ANKS1B: variants seen among roughly 807,000 people sequenced by gnomAD.
The protein encoded by ANKS1B is ankyrin repeat and sterile alpha motif domain containing 1B, also known as ankyrin repeat and sterile alpha motif domain-containing protein 1B.
A neutral mutation model predicts 148.3 loss-of-function variants in ANKS1B; 36 were observed. The ratio of observed to expected loss-of-function variants is 0.24; its 90% CI spans 0.19 to 0.32. The LOEUF is 0.32. ANKS1B is among the 10% of genes least tolerant of loss of function. The pLI, the probability that ANKS1B is intolerant of heterozygous loss-of-function variation, is 1.00. For synonymous variants in ANKS1B, 542 were observed against 560.8 expected (o/e 0.97, Z 0.47); for missense variants, 1,157 against 1,542.6 (o/e 0.75, Z 4.19).
At chr12:99,011,164 C>A (rs2099939177) in intron 17 of ANKS1B, among the ~76,000 whole-genome samples, 1 of 152,094 alleles carries the variant, frequency 6.6e-6, no homozygotes, top group African/African-American at 2.4e-5. Context: ...AATCCAGATA[C>A]CTTGGCTGAG....
chr12:99,690,075 G>A (rs567978951), intron 8 of ANKS1B, among the ~76,000 whole-genome samples: 1 of 152,272 alleles, frequency 6.6e-6, no homozygotes, highest in Admixed American at 6.5e-5. Flanking sequence ...TTTCTTCACA[G>A]GGCGGCAGGA....
chr12:99,566,012 T>G (rs905656984), intron 9 of ANKS1B, among the ~76,000 whole-genome samples: 1 of 152,182 alleles, frequency 6.6e-6, no homozygotes, highest in Non-Finnish European at 1.5e-5. Flanking sequence ...GCCTTTGTAC[T>G]GAATACGCTG....
intron 1 of ANKS1B, among the ~76,000 whole-genome samples, chr12:99,851,471 T>C (rs2087829788): frequency 6.6e-6 from 1 of 152,110 alleles, no homozygotes; most frequent in African/African-American, 2.4e-5. Context: ...ATTTCATGGA[T>C]CTACTCCTAC....
In ANKS1B at chr12:99,183,050, G is replaced by C. The variant is rs189185394; in HGVS notation, c.2420-28655C>G. On this transcript the variant is annotated intron_variant, in intron 14 of 26. Coordinates refer to ENST00000683438, the MANE Select transcript of ANKS1B (RefSeq NM_001352186.2). ...GTAGAGTTGTTTGAGGTCCTTGTATGTTATGGTTTTAATCCCCTGTCAGAT... is the reference window on the plus strand; with the variant it reads ...GTAGAGTTGTTTGAGGTCCTTGTATCTTATGGTTTTAATCCCCTGTCAGAT... 6.6e-3 allele frequency among the ~76,000 whole-genome samples: 1,010 copies of C among 152,180 alleles called. 19 individuals carry two copies. The highest frequency in any genetic ancestry group is 0.023 in the African/African-American group (946 of 41,548).
intron 9 of ANKS1B, among the ~76,000 whole-genome samples, chr12:99,588,999 C>T (rs1018560658): frequency 2.6e-5 from 4 of 152,174 alleles, no homozygotes; most frequent in Non-Finnish European, 5.9e-5. Context: ...TACTCATTTT[C>T]CCTGGCACAC....
chr12:99,162,962 G>A (rs2076823165), intron 14 of ANKS1B, among the ~76,000 whole-genome samples: 2 of 152,042 alleles, frequency 1.3e-5, no homozygotes, highest in Non-Finnish European at 2.9e-5. Flanking sequence ...GGAGGCTGAG[G>A]GAGAAGAATC....
At chr12:99,549,400 A>G (rs1179614756) in intron 9 of ANKS1B, among the ~76,000 whole-genome samples, 1 of 152,238 alleles carries the variant, frequency 6.6e-6, no homozygotes, top group Admixed American at 6.5e-5. Context: ...TGGTTTTTGA[A>G]GTCTTAGTAA....
At chr12:99,192,705 C>T (rs535831837) in intron 14 of ANKS1B, among the ~76,000 whole-genome samples, 7 of 152,084 alleles carry the variant, frequency 4.6e-5, no homozygotes, top group South Asian at 2.1e-4. Flanking sequence ...TAAAGCATGA[C>T]GTCAACCATC....
chr12:99,529,737 A>T (rs531083857), intron 9 of ANKS1B, among the ~76,000 whole-genome samples: 2 of 148,046 alleles, frequency 1.4e-5, no homozygotes, highest in African/African-American at 2.7e-5. Context: ...CTATTTTTCT[A>T]CGTCCATAAT....
chr12:98,736,512 G>A (rs1458805081), intron 9 of ANKS1B, among the ~76,000 whole-genome samples: 2 of 152,200 alleles, frequency 1.3e-5, no homozygotes, highest in Non-Finnish European at 2.9e-5. Flanking sequence ...ACATCCAGGT[G>A]GGGATGCTGA....
rs978261144 is a variant in ANKS1B, at chr12:99,492,728, T to A, written c.1438+11748A>T. On this transcript the variant is annotated intron_variant, in intron 10 of 26. Transcript: ENST00000683438. ...AATCAATTAAGCTTCATCCCTGGGATGCAAGGTAGGTTCAACATACACAAA... is the reference window on the plus strand; with the variant it reads ...AATCAATTAAGCTTCATCCCTGGGAAGCAAGGTAGGTTCAACATACACAAA... 2.6e-5 allele frequency among the ~76,000 whole-genome samples: 4 copies of A among 152,342 alleles called. No homozygotes were observed. In the South Asian group the frequency reaches 8.3e-4, roughly 32 times the overall value.
rs562777286 is a variant in ANKS1B at position 98,792,009 on chromosome 12, T to C, written c.3342+6925A>G. ...ATAAAAAAGAGAAAAGTCTTAATAC[T>C]TCAACTAGGGCATGGATTATTATTT... On this transcript the variant is annotated intron_variant, in intron 22 of 26. Coordinates refer to ENST00000683438, the MANE Select transcript of ANKS1B (RefSeq NM_001352186.2). Among the ~76,000 whole-genome samples the C allele has an allele frequency of 4.1e-4, 62 of 152,346 alleles. No individual in the cohort carries two copies. In the South Asian group the frequency reaches 0.012, roughly 30 times the overall value.
chr12:99,034,176 C>G (rs1246222860), intron 17 of ANKS1B, among the ~76,000 whole-genome samples: 1 of 152,132 alleles, frequency 6.6e-6, no homozygotes, highest in Admixed American at 6.5e-5. Context: ...TGTAGTCGTA[C>G]AAAGCAGCAA....
At chr12:99,309,439 T>C (rs766353017) in intron 12 of ANKS1B, among the ~76,000 whole-genome samples, 1 of 152,042 alleles carries the variant, frequency 6.6e-6, no homozygotes, top group Non-Finnish European at 1.5e-5. Context: ...TTAATTTTTA[T>C]TGCCCTATAA....
intron 10 of ANKS1B, among the ~76,000 whole-genome samples, chr12:99,448,971 T>C (rs896104033): frequency 1.3e-5 from 2 of 152,122 alleles, no homozygotes; most frequent in African/African-American, 4.8e-5. Flanking sequence ...CTTTTCATTC[T>C]GTCTCTCTGT....
chr12:99,556,691 T>C (rs2097280237), intron 9 of ANKS1B, among the ~76,000 whole-genome samples: 1 of 152,218 alleles, frequency 6.6e-6, no homozygotes, highest in South Asian at 2.1e-4. Context: ...TGATTTAATT[T>C]CACTGTTTAC....
chr12:98,799,246 T>C (rs2153583220), intron 21 of ANKS1B, among the ~76,000 whole-genome samples: 1 of 152,270 alleles, frequency 6.6e-6, no homozygotes, highest in Non-Finnish European at 1.5e-5. Context: ...CAACATCTTC[T>C]AAAGATGCCA....
At chr12:99,040,969 C>T (rs1374226426) in intron 17 of ANKS1B, among the ~76,000 whole-genome samples, 1 of 152,140 alleles carries the variant, frequency 6.6e-6, no homozygotes, top group African/African-American at 2.4e-5. Flanking sequence ...ACCTCTTGTT[C>T]ACTGAGCAAG....
rs561230577 is a variant in ANKS1B, at chr12:99,158,888, AT to A, written c.2420-4494del. On this transcript the variant is annotated intron_variant, in intron 14 of 26. Transcript: ENST00000683438. ...ATCTCATCAAAAGGAGCAGGCCAGC[AT>A]TTCCAATTTCCTCTAAATCTAAGCT... Among the ~76,000 whole-genome samples, 24 of 152,286 alleles carry A rather than the reference AT, an allele frequency of 1.6e-4. No homozygotes were observed. The East Asian group carries it at 3.7e-3, about 23-fold the overall frequency.
Sources: allele counts gnomAD v4.1 joint callset (sites outside exome capture counted in the v4.1 genomes callset), GRCh38; gene constraint gnomAD v4.1.1; transcripts MANE v1.5; gene names NCBI Gene and HGNC (gene_info 2026-07-23, HGNC 2026-07-21).